Variants in ADGRB1 observed in about 807,000 individuals in gnomAD.
ADGRB1 encodes the protein brain-specific angiogenesis inhibitor 1.
ADGRB1 carries 36 observed loss-of-function variants against 175.7 expected under a neutral mutation model. The observed-to-expected ratio is 0.20, with a 90% CI of 0.16 to 0.27. The LOEUF is 0.27. Ranked by LOEUF, ADGRB1 falls within the 10% of genes least tolerant of loss-of-function variation. ADGRB1 has a pLI of 1.00. For synonymous variants in ADGRB1, 1,054 were observed against 979.4 expected (o/e 1.08, Z -1.42); for missense variants, 1,731 against 2,255.3 (o/e 0.77, Z 4.71).
At chr8:142,533,008 T>C (rs1310781518) in intron 24 of ADGRB1, among the ~76,000 whole-genome samples, 1 of 151,842 alleles carries the variant, frequency 6.6e-6, no homozygotes, top group Non-Finnish European at 1.5e-5. Flanking sequence ...GTGTTGACGG[T>C]GGGCTCCTCC....
intron 25 of ADGRB1, among the ~76,000 whole-genome samples, chr8:142,534,811 G>A (rs891973278): frequency 1.3e-5 from 2 of 152,202 alleles, no homozygotes; most frequent in Admixed American, 1.3e-4. Context: ...GCTCACCCTG[G>A]TGCACGCCAC....
At chr8:142,468,871 T>TTC (rs1374695964) in intron 2 of ADGRB1, among the ~76,000 whole-genome samples, 1 of 152,218 alleles carries the variant, frequency 6.6e-6, no homozygotes, top group East Asian at 1.9e-4. Context: ...TTGTGTCCAC[T>TTC]TCTGATTGTC....
intron 17 of ADGRB1, among the ~76,000 whole-genome samples, chr8:142,508,698 G>A (rs914413391): frequency 2.0e-5 from 3 of 152,226 alleles, no homozygotes; most frequent in Non-Finnish European, 4.4e-5. Context: ...CGAAGGTCAC[G>A]TGGGCTGAGG....
intron 12 of ADGRB1, among the ~76,000 whole-genome samples, 192 bp from the exon 13 acceptor site, chr8:142,484,464 G>T (rs771472033): frequency 1.3e-5 from 2 of 152,260 alleles, no homozygotes; most frequent in Non-Finnish European, 2.9e-5. Context: ...CTTCCCATGG[G>T]TGGGGCACAG....
chr8:142,469,315 A>G (rs1840468558), intron 2 of ADGRB1, among the ~76,000 whole-genome samples: 1 of 127,132 alleles, frequency 7.9e-6, no homozygotes, highest in East Asian at 2.5e-4. Context: ...GTGTGAATGT[A>G]AATGTGTGCA....
rs775530194 is a variant in ADGRB1 at position 142,478,221 on chromosome 8, G to C, written c.1422G>C (p.Ser474=). ...TGGATGGAAACTGGAATGAGTGGTC[G>C]AGCTGGAGCGCCTGCTCCGCCAGCT... ...RAVDGNWNEW[S]SWSACSASCS... The change falls in exon 7 of 31, where the codon TCG becomes TCC. Residue 474 remains serine (S), a synonymous_variant. Coordinates refer to ENST00000517894, the MANE Select transcript of ADGRB1 (RefSeq NM_001702.3). The C allele has an allele frequency of 6.2e-7, 1 of 1,607,472 alleles. No homozygotes were observed. Among genetic ancestry groups the C allele is most frequent in the South Asian group, 1.1e-5 (1 of 89,944 alleles).
intron 17 of ADGRB1, among the ~76,000 whole-genome samples, chr8:142,508,251 T>G (rs1003669450): frequency 1.3e-5 from 2 of 151,980 alleles, no homozygotes; most frequent in African/African-American, 4.8e-5. Context: ...GCTTAGCGGC[T>G]CTGTGCCTGG....
intron 17 of ADGRB1, among the ~76,000 whole-genome samples, chr8:142,497,836 T>C (rs1842293993): frequency 6.6e-6 from 1 of 152,314 alleles, no homozygotes; most frequent in Middle Eastern, 3.4e-3. Context: ...TCCTTGCCCA[T>C]GCAGGGGCTC....
At chr8:142,481,184 C>A in intron 9 of ADGRB1, 70 bp from the exon 10 acceptor site, 1 of 1,448,216 alleles carries the variant, frequency 6.9e-7, no homozygotes, top group Admixed American at 1.7e-5. Context: ...AGGTCTGCTG[C>A]CAGGGGCCAA....
intron 17 of ADGRB1, among the ~76,000 whole-genome samples, chr8:142,495,148 T>C (rs1300029005): frequency 6.6e-6 from 1 of 152,106 alleles, no homozygotes; most frequent in Non-Finnish European, 1.5e-5. Flanking sequence ...GTAGGCAGTG[T>C]GGACAAGCGG....
intron 2 of ADGRB1, among the ~76,000 whole-genome samples, chr8:142,470,089 C>A (rs1422372917): frequency 6.6e-6 from 1 of 152,196 alleles, no homozygotes; most frequent in African/African-American, 2.4e-5. Context: ...GCCACATGGC[C>A]ACGTCACGCG....
intron 2 of ADGRB1, among the ~76,000 whole-genome samples, chr8:142,469,899 T>C (rs1270776214): frequency 6.6e-6 from 1 of 152,216 alleles, no homozygotes. Context: ...TCCTGCCAGC[T>C]GAGACCTGTG....
intron 2 of ADGRB1, among the ~76,000 whole-genome samples, chr8:142,471,349 T>C (rs1353913968): frequency 6.6e-6 from 1 of 152,204 alleles, no homozygotes; most frequent in Non-Finnish European, 1.5e-5. Context: ...TGTATTTTGG[T>C]TCCACTTCCC....
chr8:142,506,165 G>A (rs541771801), intron 17 of ADGRB1, among the ~76,000 whole-genome samples: 13 of 152,232 alleles, frequency 8.5e-5, no homozygotes, highest in Admixed American at 3.3e-4. Context: ...TTCTTGGCAC[G>A]GAGGTCCTTG....
intron 6 of ADGRB1, 84 bp from the exon 7 acceptor site, chr8:142,478,103 C>G: frequency 2.0e-6 from 3 of 1,523,726 alleles, no homozygotes; most frequent in Non-Finnish European, 2.7e-6. Flanking sequence ...GGTGGTAGCA[C>G]CCAGGGTGCT....
At position 142,481,275 on chromosome 8, in the gene ADGRB1, A is replaced by T. The variant is rs549241762; in HGVS notation, c.1850A>T (p.Glu617Val). Residue 617 changes from glutamate (E) to valine (V), a missense_variant, in exon 10 of 31, where the codon GAG becomes GTG. By Grantham distance (121) the Glu-to-Val change is moderately radical. Around this residue, in one of 8 missense-constraint regions of ADGRB1, gnomAD observed 388 missense variants for 630.9 expected, o/e 0.61. Coordinates refer to ENST00000517894, the MANE Select transcript of ADGRB1 (RefSeq NM_001702.3). ...NATGLILRRC[E>V]LDEEGIAYWE... ...CCAGGACTCATCCTGCGACGGTGTG[A>T]GCTGGACGAGGAAGGCATCGCCTAC... 2.2e-5 allele frequency: 35 copies of T among 1,613,692 alleles called. No homozygotes were observed. Among genetic ancestry groups the T allele is most frequent in the Non-Finnish European group, 2.3e-5 (27 of 1,179,874 alleles).
At chr8:142,499,594 G>T (rs1041346171) in intron 17 of ADGRB1, among the ~76,000 whole-genome samples, 17 of 152,290 alleles carry the variant, frequency 1.1e-4, no homozygotes, top group Middle Eastern at 3.4e-3. Context: ...GCGGAGTGCC[G>T]CGGTGGGAGC....
At chr8:142,520,422 AATGATTGTATGATGATG>A (rs1843745201) in intron 19 of ADGRB1, among the ~76,000 whole-genome samples, 1 of 2,684 alleles carries the variant, frequency 3.7e-4, no homozygotes, top group East Asian at 9.1e-3. Flanking sequence ...TGATAGTGGT[AATGATTGTATGATGATG>A]GTGGTGATGG....
intron 17 of ADGRB1, among the ~76,000 whole-genome samples, chr8:142,497,381 A>G (rs1304742602): frequency 6.6e-6 from 1 of 151,340 alleles, no homozygotes; most frequent in Non-Finnish European, 1.5e-5. Context: ...GGGCAGGCCA[A>G]GGGGGGGGAA....
Sources: allele counts gnomAD v4.1 joint callset (sites outside exome capture counted in the v4.1 genomes callset), GRCh38; gene constraint gnomAD v4.1.1; regional missense constraint gnomAD v4.1.1; transcripts MANE v1.5; gene names NCBI Gene and HGNC (gene_info 2026-07-23, HGNC 2026-07-21).